The following ADAM22 variants were observed in gnomAD, a reference collection of about 807,000 sequenced individuals.
ADAM22 encodes ADAM metallopeptidase domain 22, also known as disintegrin and metalloproteinase domain-containing protein 22.
In ADAM22, 65 loss-of-function variants were observed where a neutral mutation model predicts 144.6. The ratio of observed to expected loss-of-function variants is 0.45; its 90% CI spans 0.37 to 0.55. The LOEUF is 0.55. ADAM22 is among the 20% of genes least tolerant of loss of function. ADAM22 has a pLI of 0.00. For missense variants in ADAM22, 974 were observed against 1,184.9 expected, an observed-to-expected ratio of 0.82 and a Z score of 2.61; for synonymous variants, 391 against 412.6, an observed-to-expected ratio of 0.95 and a Z score of 0.63.
chr7:88,116,597 G>T, intron 6 of ADAM22, 148 bp from the exon 7 acceptor site: 1 of 608,472 alleles, frequency 1.6e-6, no homozygotes, highest in Middle Eastern at 2.8e-4. Context: ...GAGAATAGGA[G>T]GGGTTGGGCA....
At chr7:88,145,599 A>G in intron 17 of ADAM22, 92 bp downstream of exon 17, 1 of 1,002,212 alleles carries the variant, frequency 1.0e-6, no homozygotes. Context: ...TAACAGAAAT[A>G]GTATCTAACA....
chr7:88,000,469 G>C (rs1792279187), intron 3 of ADAM22, among the ~76,000 whole-genome samples: 1 of 151,924 alleles, frequency 6.6e-6, no homozygotes, highest in African/African-American at 2.4e-5. Context: ...AAAAAAACTG[G>C]AATAGGCATG....
At chr7:88,163,245 A>G in intron 23 of ADAM22, 65 bp downstream of exon 23, 1 of 1,326,982 alleles carries the variant, frequency 7.5e-7, no homozygotes, top group East Asian at 2.8e-5. Context: ...AGGACCCTAA[A>G]CTATTTATTT....
chr7:88,060,256 A>G (rs1230354557), intron 3 of ADAM22, among the ~76,000 whole-genome samples: 4 of 152,316 alleles, frequency 2.6e-5, no homozygotes, highest in Non-Finnish European at 2.9e-5. Flanking sequence ...TAAAATAACA[A>G]TTAAGTTTGC....
At chr7:88,069,740 A>C (rs1812242713) in intron 3 of ADAM22, among the ~76,000 whole-genome samples, 1 of 152,170 alleles carries the variant, frequency 6.6e-6, no homozygotes, top group Admixed American at 6.5e-5. Context: ...GCCCAGGTGT[A>C]GACCCTTGAA....
chr7:87,956,654 C>T (rs1339766035), intron 2 of ADAM22, among the ~76,000 whole-genome samples: 1 of 152,196 alleles, frequency 6.6e-6, no homozygotes, highest in Non-Finnish European at 1.5e-5. Context: ...TCTGTCTCTA[C>T]AGATTTACTT....
At chr7:88,040,016 A>G (rs545705065) in intron 3 of ADAM22, among the ~76,000 whole-genome samples, 49 of 151,966 alleles carry the variant, frequency 3.2e-4, no homozygotes, top group Non-Finnish European at 4.9e-4. Flanking sequence ...TTCTGTAGAT[A>G]TTTGCTAAGC....
At chr7:87,939,337 A>G (rs1386897311) in intron 2 of ADAM22, among the ~76,000 whole-genome samples, 1 of 152,216 alleles carries the variant, frequency 6.6e-6, no homozygotes, top group Non-Finnish European at 1.5e-5. Flanking sequence ...GACAGATAAG[A>G]TAAAACAGGA....
chr7:88,162,747 C>G (rs1245592037), intron 22 of ADAM22, among the ~76,000 whole-genome samples: 1 of 151,884 alleles, frequency 6.6e-6, no homozygotes, highest in Non-Finnish European at 1.5e-5. Flanking sequence ...GCTTGGTAGC[C>G]CAGGTGAAAT....
intron 3 of ADAM22, among the ~76,000 whole-genome samples, chr7:87,987,793 T>A (rs1584847653): frequency 6.6e-6 from 1 of 152,240 alleles, no homozygotes; most frequent in South Asian, 2.1e-4. Context: ...TTACTTTGTC[T>A]CTGAAATATT....
chr7:88,171,322 C>T (rs1025288666), intron 25 of ADAM22, among the ~76,000 whole-genome samples: 8 of 151,832 alleles, frequency 5.3e-5, no homozygotes, highest in Non-Finnish European at 7.4e-5. Context: ...TAAAAGTGGA[C>T]AATTGTTTGA....
chr7:88,182,553 G>A (rs1183868832), intron 29 of ADAM22, among the ~76,000 whole-genome samples: 1 of 151,982 alleles, frequency 6.6e-6, no homozygotes, highest in Non-Finnish European at 1.5e-5. Flanking sequence ...CATTTAAAAG[G>A]GCATTTTCCT....
intron 3 of ADAM22, among the ~76,000 whole-genome samples, chr7:88,054,305 C>A (rs1468446311): frequency 2.0e-5 from 3 of 152,138 alleles, no homozygotes; most frequent in African/African-American, 7.2e-5. Flanking sequence ...CTTTCTCATA[C>A]CCTGTTTCCA....
intron 6 of ADAM22, 77 bp downstream of exon 6, chr7:88,114,724 CTACTT>C (rs1267328763): frequency 4.6e-6 from 6 of 1,307,474 alleles, no homozygotes; most frequent in Admixed American, 2.1e-5. Flanking sequence ...TTTTTTATCT[CTACTT>C]TATTTCATTT....
intron 3 of ADAM22, among the ~76,000 whole-genome samples, chr7:87,999,675 T>C (rs1462375388): frequency 3.3e-5 from 5 of 152,226 alleles, no homozygotes; most frequent in African/African-American, 1.2e-4. Context: ...GCTTATTCTG[T>C]TATCAGAATT....
At chr7:88,092,709 G>C (rs959229243) in intron 4 of ADAM22, among the ~76,000 whole-genome samples, 2 of 152,194 alleles carry the variant, frequency 1.3e-5, no homozygotes, top group Non-Finnish European at 2.9e-5. Flanking sequence ...GGTTGCTCTA[G>C]GTCCATCATC....
intron 3 of ADAM22, among the ~76,000 whole-genome samples, chr7:88,066,621 C>T (rs774834029): frequency 3.3e-5 from 5 of 151,936 alleles, no homozygotes; most frequent in African/African-American, 1.2e-4. Flanking sequence ...TAAGAGAAAA[C>T]ATTAGATGAA....
At position 88,163,228 on chromosome 7, in the gene ADAM22, A is replaced by G. The variant is rs753057058; in HGVS notation, c.2076+48A>G. Reference sequence around the variant, plus strand: ...GAATCTATTTCTTTTATATCACAGAAATAGACAGGACCCTAAACTATTTAT... The same window carrying G: ...GAATCTATTTCTTTTATATCACAGAGATAGACAGGACCCTAAACTATTTAT... On this transcript the variant is annotated intron_variant, in intron 23 of 31. Transcript: ENST00000413139. The G allele has an allele frequency of 3.4e-6, 5 of 1,475,612 alleles. No individual in the cohort carries two copies. In the African/African-American group the frequency reaches 7.3e-5, roughly 21 times the overall value. 91.4% of individuals were successfully genotyped at this position (1,475,612 alleles called of 1,614,324 possible).
intron 4 of ADAM22, among the ~76,000 whole-genome samples, chr7:88,084,687 G>T (rs1020584696): frequency 2.0e-5 from 3 of 152,128 alleles, no homozygotes; most frequent in East Asian, 3.9e-4. Context: ...ATAAATCAAA[G>T]TTGTAACGTT....
Sources: allele counts gnomAD v4.1 joint callset (sites outside exome capture counted in the v4.1 genomes callset), GRCh38; gene constraint gnomAD v4.1.1; transcripts MANE v1.5; gene names NCBI Gene and HGNC (gene_info 2026-07-23, HGNC 2026-07-21).